The following PPARA variants were observed in gnomAD, a reference collection of about 807,000 sequenced individuals.
PPARA encodes peroxisome proliferator activated receptor alpha.
PPARA carries 22 observed loss-of-function variants against 42.2 expected under a neutral mutation model. The observed-to-expected ratio is 0.52, with a 90% confidence interval of 0.37 to 0.74. PPARA has a LOEUF of 0.74. PPARA is among the 30% of genes least tolerant of loss of function. The pLI, the probability that PPARA is intolerant of heterozygous loss-of-function variation, is 0.00. For missense variants in PPARA, 465 were observed against 608.2 expected (o/e 0.76, Z 2.48); for synonymous variants, 242 against 239.3 (o/e 1.01, Z -0.10).
intron 3 of PPARA, among the ~76,000 whole-genome samples, chr22:46,181,381 G>C (rs1250721774): frequency 1.3e-5 from 2 of 152,112 alleles, no homozygotes; most frequent in Non-Finnish European, 2.9e-5. Flanking sequence ...GCTGCAGCAG[G>C]CTGTGGCAGG....
chr22:46,227,832 C>T lies in PPARA; in HGVS notation c.712-3960C>T, dbSNP rs1935580920. ...AAGCTTGAGTATAAAAGGCATATTC[C>T]AAAGTTAAATATAAGCTGCTGCATA... is the stretch of plus-strand genomic sequence containing the variant. On this transcript the variant is annotated intron_variant, in intron 7 of 8. Transcript: ENST00000407236. The surrounding 1 kb of genome is among the most constrained non-coding windows in gnomAD (Gnocchi z 4.3). Among the ~76,000 whole-genome samples the T allele has an allele frequency of 6.6e-6, 1 of 152,132 alleles. No homozygotes were observed. The highest frequency in any genetic ancestry group is 2.4e-5 in the African/African-American group (1 of 41,428).
chr22:46,161,611 T>A lies in PPARA; in HGVS notation c.-127+9641T>A, dbSNP rs930197003. Reference sequence around the variant, plus strand: ...AATAATAAGTAAATAAATAAATAAATAAAAATTAGAACTCAGAAAAGGAAT... The same window carrying A: ...AATAATAAGTAAATAAATAAATAAAAAAAAATTAGAACTCAGAAAAGGAAT... On this transcript the variant is annotated intron_variant, in intron 2 of 8. Transcript: ENST00000407236. This position sits in a 1 kb window ranked among gnomAD's most constrained non-coding sequence, Gnocchi z 4.8. 2.6e-5 allele frequency among the ~76,000 whole-genome samples: 4 copies of A among 151,922 alleles called. No homozygotes were observed. The highest frequency in any genetic ancestry group is 9.7e-5 in the African/African-American group (4 of 41,350).
Position 46,181,248 on chromosome 22 carries a change from G to A in PPARA, c.-43+4412G>A, listed in dbSNP as rs560356443. ...GAGCGGGGAGGTGTGTGAAAGAGAT[G>A]GTTCCGGGAGGGCCGTGATGTGGGG... is the stretch of plus-strand genomic sequence containing the variant. On this transcript the variant is annotated intron_variant, in intron 3 of 8. Coordinates refer to ENST00000407236, the MANE Select transcript of PPARA (RefSeq NM_005036.6). Among the ~76,000 whole-genome samples, 112 of 152,296 alleles carry A rather than the reference G, an allele frequency of 7.4e-4. 1 individual carries two copies. Among genetic ancestry groups the A allele is most frequent in the African/African-American group, 2.6e-3 (110 of 41,552 alleles).
rs141668945 is a variant in PPARA at position 46,211,674 on chromosome 22, A to G, written c.209-3499A>G. Among the ~76,000 whole-genome samples the G allele has an allele frequency of 1.6e-4, 25 of 152,144 alleles. No homozygotes were observed. In the East Asian group the frequency reaches 4.6e-3, roughly 28 times the overall value. ...CGTAGTGTCATGTATCCACCACTAC[A>G]TTTTCCTTCTCTCTCTTTCTTGCTT... On this transcript the variant is annotated intron_variant, in intron 4 of 8. Transcript: ENST00000407236. This position sits in a 1 kb window ranked among gnomAD's most constrained non-coding sequence, Gnocchi z 4.1.
rs1362713191 is a variant in PPARA, at chr22:46,165,368, G to A, written c.-126-11385G>A. 6.6e-6 allele frequency: 1 copy of A among 152,272 alleles called. No individual in the cohort carries two copies. The highest frequency in any genetic ancestry group is 2.4e-5 in the African/African-American group (1 of 41,452). The allele number at this position is 152,272 out of a possible 1,614,324, so 9.4% of individuals were successfully genotyped here. A position where few individuals can be genotyped will look rare whatever the true frequency, so the allele number is the denominator to read the frequency against. ...CTGCATTTCTGACAGTGGCTCAGTA[G>A]TTTGGAAGTTAACTGGCAAAGGTGG... On this transcript the variant is annotated intron_variant, in intron 2 of 8. Coordinates refer to ENST00000407236, the MANE Select transcript of PPARA (RefSeq NM_005036.6). The surrounding 1 kb of genome is among the most constrained non-coding windows in gnomAD (Gnocchi z 5.5).
chr22:46,239,948 C>G lies in PPARA; in HGVS notation c.*4568C>G, dbSNP rs999479698. The G allele has an allele frequency of 2.6e-6, 1 of 385,804 alleles. No individual in the cohort carries two copies. The highest frequency in any genetic ancestry group is 4.6e-6 in the Non-Finnish European group (1 of 218,740). The allele number at this position is 385,804 out of a possible 1,614,324, so 23.9% of individuals were successfully genotyped here. A position where few individuals can be genotyped will look rare whatever the true frequency, so the allele number is the denominator to read the frequency against. ...GGGTTTTTTGGTCCTGATCCAGTGG[C>G]CACACCTGTCTTTGAAATGTCTCAC... is the stretch of plus-strand genomic sequence containing the variant. On this transcript the variant is annotated 3_prime_UTR_variant, in exon 9 of 9. Transcript: ENST00000407236.
intron 3 of PPARA, among the ~76,000 whole-genome samples, 178 bp downstream of exon 3, chr22:46,177,014 T>A (rs190182859): frequency 4.6e-5 from 7 of 152,124 alleles, no homozygotes; most frequent in Non-Finnish European, 8.8e-5. Flanking sequence ...ATTGAGACCA[T>A]CCTGGCTAAC....
Position 46,218,290 on chromosome 22 carries a change from A to G in PPARA, c.397A>G (p.Lys133Glu), listed in dbSNP as rs565902106. The change falls in exon 6 of 9, where the codon AAG becomes GAG. Residue 133 changes from lysine to glutamate, a missense_variant. Transcript: ENST00000407236. ...KGFFRRTIRL[K>E]LVYDKCDRSC... ...CTTCTTTCGGCGAACGATTCGACTC[A>G]AGCTGGTGTATGACAAGTGCGACCG... is the stretch of plus-strand genomic sequence containing the variant. 61 of 1,614,142 alleles carry G rather than the reference A, an allele frequency of 3.8e-5. No homozygotes were observed. The Admixed American group carries it at 7.2e-4, about 19-fold the overall frequency.
At chr22:46,177,900 G>A (rs571666153) in intron 3 of PPARA, among the ~76,000 whole-genome samples, 2 of 152,272 alleles carry the variant, frequency 1.3e-5, no homozygotes, top group East Asian at 3.9e-4. Context: ...TACCCAAAGA[G>A]GTATAGCAGA....
At position 46,234,154 on chromosome 22, in the gene PPARA, A is replaced by G. The variant is rs1212443860; in HGVS notation, c.1160-979A>G. Among the ~76,000 whole-genome samples, 1 of 152,084 alleles carries G rather than the reference A, an allele frequency of 6.6e-6. No homozygotes were observed. Among genetic ancestry groups the G allele is most frequent in the Non-Finnish European group, 1.5e-5 (1 of 68,012 alleles). ...TCCTCTCTTTAGAGACTTAATAGTT[A>G]TAGCCCCAGCCACTCTGGAGGCCGA... On this transcript the variant is annotated intron_variant, in intron 8 of 8. Coordinates refer to ENST00000407236, the MANE Select transcript of PPARA (RefSeq NM_005036.6). The surrounding 1 kb of genome is among the most constrained non-coding windows in gnomAD (Gnocchi z 5.8).
intron 3 of PPARA, among the ~76,000 whole-genome samples, chr22:46,197,745 T>C (rs2147377437): frequency 6.7e-6 from 1 of 150,032 alleles, no homozygotes; most frequent in South Asian, 2.1e-4. Context: ...CTACTAATAA[T>C]ACAAAAAAAC....
At position 46,188,694 on chromosome 22, in the gene PPARA, A is replaced by G. The variant is rs1431015661; in HGVS notation, c.-42-9648A>G. ...CCCACGTGTGATGTTCAATAATATTATTTCTCCTTGTTTTCCTTCCCGTGC... is the reference window on the plus strand; with the variant it reads ...CCCACGTGTGATGTTCAATAATATTGTTTCTCCTTGTTTTCCTTCCCGTGC... On this transcript the variant is annotated intron_variant, in intron 3 of 8. Transcript: ENST00000407236. The surrounding 1 kb of genome is among the most constrained non-coding windows in gnomAD (Gnocchi z 5.0). The G allele has an allele frequency of 6.6e-6, 1 of 151,964 alleles. No homozygotes were observed. The highest frequency in any genetic ancestry group is 1.5e-5 in the Non-Finnish European group (1 of 68,008). 9.4% of individuals were successfully genotyped at this position (151,964 alleles called of 1,614,324 possible). A position where few individuals can be genotyped will look rare whatever the true frequency, so the allele number is the denominator to read the frequency against.
At chr22:46,154,685 A>AT (rs1338776858) in intron 2 of PPARA, among the ~76,000 whole-genome samples, 1 of 151,832 alleles carries the variant, frequency 6.6e-6, no homozygotes, top group Non-Finnish European at 1.5e-5. Context: ...TTATTTATTT[A>AT]TTTTTGAGAC....
At chr22:46,170,547 C>T (rs1268995728) in intron 2 of PPARA, among the ~76,000 whole-genome samples, 1 of 150,968 alleles carries the variant, frequency 6.6e-6, no homozygotes, top group African/African-American at 2.4e-5. Flanking sequence ...CTGCACCGGT[C>T]CTGATTTGAG....
intron 2 of PPARA, among the ~76,000 whole-genome samples, chr22:46,169,464 G>GAC (rs1927642686): frequency 5.3e-5 from 8 of 151,818 alleles, no homozygotes; most frequent in Non-Finnish European, 1.2e-4. Flanking sequence ...TTGATCTCCT[G>GAC]CTGTCGTGAT....
chr22:46,221,667 C>T lies in PPARA; in HGVS notation c.711+1653C>T, dbSNP rs1416867975. Among the ~76,000 whole-genome samples the T allele has an allele frequency of 3.9e-5, 6 of 152,208 alleles. No homozygotes were observed. Among genetic ancestry groups the T allele is most frequent in the South Asian group, 4.1e-4 (2 of 4,824 alleles). On this transcript the variant is annotated intron_variant, in intron 7 of 8. Transcript: ENST00000407236. This position sits in a 1 kb window ranked among gnomAD's most constrained non-coding sequence, Gnocchi z 5.9. Reference sequence around the variant, plus strand: ...ACAAAAAATTAGCCGGGCGTGGTGGCGGGCGCCTGTAGTCTCAGCTACTTG... The same window carrying T: ...ACAAAAAATTAGCCGGGCGTGGTGGTGGGCGCCTGTAGTCTCAGCTACTTG...
rs920311533 is a variant in PPARA, at chr22:46,182,691, G to A, written c.-43+5855G>A. 6.6e-6 allele frequency among the ~76,000 whole-genome samples: 1 copy of A among 152,096 alleles called. No individual in the cohort carries two copies. The highest frequency in any genetic ancestry group is 2.4e-5 in the African/African-American group (1 of 41,410). ...TACCAAATTTGTACACTTTAAATAT[G>A]TACAGATTATTGTATGCCAGTTACA... is the stretch of plus-strand genomic sequence containing the variant. On this transcript the variant is annotated intron_variant, in intron 3 of 8. Transcript: ENST00000407236. The surrounding 1 kb of genome is among the most constrained non-coding windows in gnomAD (Gnocchi z 5.2).
Position 46,169,383 on chromosome 22 carries a change from C to T in PPARA, c.-126-7370C>T, listed in dbSNP as rs566591783. On this transcript the variant is annotated intron_variant, in intron 2 of 8. Transcript: ENST00000407236. The stretch of plus-strand genomic sequence containing the variant: ...CGGAGTAGCTGGGACTACAGGCGCC[C>T]GCCACCACGCCCGGCTAATTTTTTG... Among the ~76,000 whole-genome samples the T allele has an allele frequency of 7.2e-5, 11 of 152,034 alleles. No homozygotes were observed. In the South Asian group the frequency reaches 1.5e-3, roughly 20 times the overall value.
intron 4 of PPARA, among the ~76,000 whole-genome samples, chr22:46,202,253 C>T (rs576056272): frequency 1.3e-5 from 2 of 152,246 alleles, no homozygotes; most frequent in East Asian, 3.9e-4. Context: ...TTCTAGGGTC[C>T]TTTTCTAAAA....
Sources: gnomAD v4.1 joint callset for allele counts (sites outside exome capture counted in the v4.1 genomes callset) on GRCh38, gnomAD v4.1.1 for gene constraint, Gnocchi (gnomAD v3.1) non-coding constraint, MANE v1.5 for transcripts, NCBI Gene and HGNC (gene_info 2026-07-23, HGNC 2026-07-21) for gene names.